The following CSMD2 variants were observed in gnomAD, a reference collection of about 807,000 sequenced individuals.
The protein encoded by CSMD2 is CUB and Sushi multiple domains 2.
Under a neutral mutation model 398.5 loss-of-function variants are expected in CSMD2, and 130 were observed. The ratio of observed to expected loss-of-function variants is 0.33; its 90% CI spans 0.28 to 0.38. The LOEUF (loss-of-function observed/expected upper bound fraction) is 0.38, where lower values mean the gene tolerates loss of function less well. CSMD2 is among the 10% of genes least tolerant of loss of function. The pLI is 1.00. For missense variants in CSMD2, 3,829 were observed against 4,764.9 expected, an observed-to-expected ratio of 0.80 and a Z score of 5.78; for synonymous variants, 1,828 against 1,908.5, an observed-to-expected ratio of 0.96 and a Z score of 1.10.
At chr1:34,121,629 T>C (rs938156707) in intron 1 of CSMD2, among the ~76,000 whole-genome samples, 2 of 152,218 alleles carry the variant, frequency 1.3e-5, no homozygotes, top group Non-Finnish European at 2.9e-5. Context: ...TTCTTGCTTA[T>C]AGTGGCTGGT....
At chr1:34,103,446 C>A (rs1167489394) in intron 1 of CSMD2, among the ~76,000 whole-genome samples, 1 of 151,916 alleles carries the variant, frequency 6.6e-6, no homozygotes, top group Admixed American at 6.6e-5. Flanking sequence ...CTACCGGCAC[C>A]CGCCACCACG....
intron 24 of CSMD2, among the ~76,000 whole-genome samples, chr1:33,695,272 C>G (rs760701867): frequency 1.6e-4 from 25 of 152,062 alleles, no homozygotes; most frequent in Non-Finnish European, 3.2e-4. Flanking sequence ...GTTGAAGGAC[C>G]TTGGATACCA....
chr1:33,608,866 C>G (rs577684936), intron 41 of CSMD2, among the ~76,000 whole-genome samples: 9 of 152,286 alleles, frequency 5.9e-5, no homozygotes, highest in Admixed American at 5.2e-4. Flanking sequence ...TTTAAGCCAC[C>G]CAGTTTGTGG....
At chr1:34,154,840 G>A (rs1284947805) in intron 1 of CSMD2, among the ~76,000 whole-genome samples, 1 of 149,968 alleles carries the variant, frequency 6.7e-6, no homozygotes, top group Non-Finnish European at 1.5e-5. Context: ...CGATTCTCCT[G>A]CCTCAGCCTC....
At chr1:33,853,245 C>T (rs1638842531) in intron 5 of CSMD2, among the ~76,000 whole-genome samples, 1 of 152,224 alleles carries the variant, frequency 6.6e-6, no homozygotes, top group Non-Finnish European at 1.5e-5. Flanking sequence ...AATGTTGCTA[C>T]AGATCGTCCA....
intron 2 of CSMD2, among the ~76,000 whole-genome samples, chr1:34,035,860 A>G (rs1473827631): frequency 6.6e-6 from 1 of 152,210 alleles, no homozygotes; most frequent in Non-Finnish European, 1.5e-5. Flanking sequence ...AAAGACATGC[A>G]AGAGACATTT....
At chr1:34,088,743 C>CAAATT (rs1393475462) in intron 2 of CSMD2, among the ~76,000 whole-genome samples, 4 of 152,164 alleles carry the variant, frequency 2.6e-5, no homozygotes, top group Non-Finnish European at 4.4e-5. Context: ...TTGTCTAGAA[C>CAAATT]CCTCTTGTGT....
chr1:34,125,308 A>C (rs1459753403), intron 1 of CSMD2, among the ~76,000 whole-genome samples: 1 of 152,184 alleles, frequency 6.6e-6, no homozygotes, highest in Non-Finnish European at 1.5e-5. Flanking sequence ...ATGGCATAAG[A>C]GGTACTTTGG....
intron 3 of CSMD2, among the ~76,000 whole-genome samples, chr1:34,018,213 C>T (rs1027644282): frequency 2.6e-5 from 4 of 152,120 alleles, no homozygotes; most frequent in African/African-American, 9.7e-5. Flanking sequence ...TTCTGTATTG[C>T]CAAATAATGC....
At chr1:34,107,665 T>C (rs974380607) in intron 1 of CSMD2, among the ~76,000 whole-genome samples, 2 of 152,164 alleles carry the variant, frequency 1.3e-5, no homozygotes, top group Non-Finnish European at 2.9e-5. Context: ...ATGGCCAATG[T>C]AGTAAGCTAA....
At chr1:33,742,589 C>CA (rs1647114187) in intron 14 of CSMD2, among the ~76,000 whole-genome samples, 1 of 141,922 alleles carries the variant, frequency 7.0e-6, no homozygotes, top group Admixed American at 7.0e-5. Flanking sequence ...CCCCCCCCCC[C>CA]CAACCCCCTC....
chr1:34,141,800 A>C (rs1375194635), intron 1 of CSMD2, among the ~76,000 whole-genome samples: 4 of 152,210 alleles, frequency 2.6e-5, no homozygotes, highest in African/African-American at 4.8e-5. Context: ...ATAGGCGAGA[A>C]TGCAAGGAGG....
At chr1:34,159,430 G>C (rs1472235251) in intron 1 of CSMD2, among the ~76,000 whole-genome samples, 1 of 150,040 alleles carries the variant, frequency 6.7e-6, no homozygotes, top group African/African-American at 2.5e-5. Context: ...CAGTATAACT[G>C]ATGAGGACAG....
intron 12 of CSMD2, among the ~76,000 whole-genome samples, chr1:33,785,871 T>C (rs1653478737): frequency 6.6e-6 from 1 of 152,208 alleles, no homozygotes; most frequent in Non-Finnish European, 1.5e-5. Flanking sequence ...TGAAAGCCCT[T>C]CAGATATCTG....
chr1:33,667,670 T>C (rs1402615628), intron 25 of CSMD2, among the ~76,000 whole-genome samples: 1 of 152,168 alleles, frequency 6.6e-6, no homozygotes, highest in South Asian at 2.1e-4. Flanking sequence ...TGCCAGTTGA[T>C]TGCATTCGGC....
At chr1:34,056,802 C>G (rs992236712) in intron 2 of CSMD2, among the ~76,000 whole-genome samples, 1 of 152,106 alleles carries the variant, frequency 6.6e-6, no homozygotes, top group Non-Finnish European at 1.5e-5. Context: ...GGAGTTGACC[C>G]TAAGAGCACA....
intron 5 of CSMD2, among the ~76,000 whole-genome samples, chr1:33,893,434 T>C (rs886659525): frequency 2.0e-5 from 3 of 152,162 alleles, no homozygotes; most frequent in African/African-American, 7.2e-5. Context: ...GATGGGGAAG[T>C]GAAGCACAAA....
In CSMD2 at chr1:34,159,336, C is replaced by G. The variant is rs567328300; in HGVS notation, c.187+5575G>C. On this transcript the variant is annotated intron_variant, in intron 1 of 70. Transcript: ENST00000373381. ...GAATGACTTTACAGCCTGCCCCCCC[C>G]CCACCCAGGAGCTTGTGGTGGAAAG... Among the ~76,000 whole-genome samples the G allele has an allele frequency of 9.6e-4, 86 of 89,776 alleles. 1 individual carries two copies. The South Asian group carries it at 0.011, about 12-fold the overall frequency. The allele number at this position is 89,776 out of a possible 152,430, so 58.9% of individuals were successfully genotyped here.
chr1:33,652,604 G>A (rs1643820797), intron 27 of CSMD2, 143 bp from the exon 28 acceptor site: 1 of 821,962 alleles, frequency 1.2e-6, no homozygotes, highest in African/African-American at 1.7e-5. Flanking sequence ...AGGAGAAGGT[G>A]AAATGATGGA....
Sources: allele counts gnomAD v4.1 joint callset (sites outside exome capture counted in the v4.1 genomes callset), GRCh38; gene constraint gnomAD v4.1.1; transcripts MANE v1.5; gene names NCBI Gene and HGNC (gene_info 2026-07-23, HGNC 2026-07-21).